The following SLC25A25 variants were observed in gnomAD, a reference collection of about 807,000 sequenced individuals.
SLC25A25 encodes solute carrier family 25 member 25, also known as mitochondrial adenyl nucleotide antiporter SLC25A25.
A neutral mutation model predicts 57.7 loss-of-function variants in SLC25A25; 32 were observed. The ratio of observed to expected loss-of-function variants is 0.55; its 90% CI spans 0.42 to 0.74. The LOEUF (loss-of-function observed/expected upper bound fraction) is 0.74, where lower values mean the gene tolerates loss of function less well. SLC25A25 is among the 30% of genes least tolerant of loss of function. The pLI, the probability that SLC25A25 is intolerant of heterozygous loss-of-function variation, is 0.00. For missense variants in SLC25A25, 556 were observed against 701.3 expected (o/e 0.79, Z 2.34); for synonymous variants, 306 against 291.2 (o/e 1.05, Z -0.52).
chr9:128,094,927 A>T (rs540672440), intron 1 of SLC25A25, among the ~76,000 whole-genome samples: 82 of 152,366 alleles, frequency 5.4e-4, no homozygotes, highest in African/African-American at 1.8e-3. Flanking sequence ...AGGAATGGAC[A>T]TCGGAGGAGC....
chr9:128,099,424 C>G lies in SLC25A25; in HGVS notation c.262-1672C>G. 1 of 1,148,526 alleles carries G rather than the reference C, an allele frequency of 8.7e-7. No homozygotes were observed. Among genetic ancestry groups the G allele is most frequent in the Non-Finnish European group, 1.1e-6 (1 of 919,946 alleles). The allele number at this position is 1,148,526 out of a possible 1,614,324, so 71.1% of individuals were successfully genotyped here. A position where few individuals can be genotyped will look rare whatever the true frequency, so the allele number is the denominator to read the frequency against. On this transcript the variant is annotated intron_variant, in intron 1 of 10. Transcript: ENST00000373069. The surrounding 1 kb of genome is among the most constrained non-coding windows in gnomAD (Gnocchi z 6.8). ...CTGCTCTGGGTGTCTGCGACAGCAC[C>G]CACCCCAGGGAGGCATGTGGCTCAC...
At chr9:128,094,063 G>A (rs1275202111) in intron 1 of SLC25A25, among the ~76,000 whole-genome samples, 3 of 152,264 alleles carry the variant, frequency 2.0e-5, no homozygotes, top group East Asian at 1.9e-4. Flanking sequence ...CAGGAGAATC[G>A]CTTGAATCCA....
chr9:128,103,637 G>A lies in SLC25A25; in HGVS notation c.625-44G>A, dbSNP rs758858033. ...GACGGCGACAGGTGCCAGCAGCCTT[G>A]CCCCAAGGGTCCTGAGTCAGGCTTG... On this transcript the variant is annotated intron_variant, in intron 5 of 10. Coordinates refer to ENST00000373069, the MANE Select transcript of SLC25A25 (RefSeq NM_001330988.2). The surrounding 1 kb of genome is among the most constrained non-coding windows in gnomAD (Gnocchi z 6.7). The A allele has an allele frequency of 5.6e-6, 9 of 1,613,614 alleles. No individual in the cohort carries two copies. The highest frequency in any genetic ancestry group is 1.3e-5 in the African/African-American group (1 of 74,930).
chr9:128,068,239 G>C lies in SLC25A25; in HGVS notation c.-81G>C, dbSNP rs960182497. The C allele has an allele frequency of 1.9e-5, 15 of 778,134 alleles. No homozygotes were observed. The highest frequency in any genetic ancestry group is 3.7e-5 in the East Asian group (1 of 27,270). 48.2% of individuals were successfully genotyped at this position (778,134 alleles called of 1,614,324 possible). Reference sequence around the variant, plus strand: ...GAGCCCGCGCTCCCAGCTGCAGAGCGCCTGGCTTGCCTCCCGCGCGGTCAC... The same window carrying C: ...GAGCCCGCGCTCCCAGCTGCAGAGCCCCTGGCTTGCCTCCCGCGCGGTCAC... On this transcript the variant is annotated 5_prime_UTR_variant, in exon 1 of 11. Transcript: ENST00000373069.
At chr9:128,091,603 G>T in intron 1 of SLC25A25, 1 of 1,134,406 alleles carries the variant, frequency 8.8e-7, no homozygotes, top group Non-Finnish European at 1.1e-6. Context: ...CTGCAGAAGT[G>T]AGTTTTTATT....
intron 1 of SLC25A25, among the ~76,000 whole-genome samples, chr9:128,069,921 T>C (rs1349006985): frequency 7.1e-6 from 1 of 140,388 alleles, no homozygotes; most frequent in Non-Finnish European, 1.5e-5. Context: ...CCAGCTAATT[T>C]TTTTTTTTTT....
intron 1 of SLC25A25, among the ~76,000 whole-genome samples, chr9:128,089,041 G>A (rs954134115): frequency 1.3e-5 from 2 of 152,156 alleles, no homozygotes; most frequent in African/African-American, 4.8e-5. Context: ...GACTACAGGT[G>A]CGCACCACCA....
chr9:128,075,986 C>CTCT (rs1403362590), intron 1 of SLC25A25, among the ~76,000 whole-genome samples: 1 of 152,114 alleles, frequency 6.6e-6, no homozygotes, highest in African/African-American at 2.4e-5. Context: ...TCAAGCGATC[C>CTCT]TCTTATCTCG....
intron 1 of SLC25A25, chr9:128,090,993 A>AG (rs1833390976): frequency 6.6e-6 from 1 of 152,316 alleles, no homozygotes; most frequent in South Asian, 2.1e-4. Context: ...GCCTGGTCCT[A>AG]GGGGTAGAAA....
Position 128,107,602 on chromosome 9 carries a change from GC to G in SLC25A25, c.*161del. The G allele has an allele frequency of 1.2e-6, 1 of 836,022 alleles. No homozygotes were observed. Among genetic ancestry groups the G allele is most frequent in the Non-Finnish European group, 1.7e-6 (1 of 585,622 alleles). The allele number at this position is 836,022 out of a possible 1,614,324, so 51.8% of individuals were successfully genotyped here. A position where few individuals can be genotyped will look rare whatever the true frequency, so the allele number is the denominator to read the frequency against. On this transcript the variant is annotated 3_prime_UTR_variant, in exon 11 of 11. Transcript: ENST00000373069. ...CAGGGAGGGTGGGGAGAGCTGGCAG[GC>G]CCAGGGCTTGTCCTGCTGACCCCAG...
intron 1 of SLC25A25, among the ~76,000 whole-genome samples, chr9:128,086,641 A>G (rs1833282741): frequency 1.3e-5 from 2 of 150,970 alleles, no homozygotes; most frequent in Admixed American, 6.6e-5. Context: ...CCACTTGGCT[A>G]ATTTTTGTAT....
chr9:128,102,617 G>T lies in SLC25A25; in HGVS notation c.624+136G>T, dbSNP rs1833851342. On this transcript the variant is annotated intron_variant, in intron 5 of 10. Coordinates refer to ENST00000373069, the MANE Select transcript of SLC25A25 (RefSeq NM_001330988.2). This position sits in a 1 kb window ranked among gnomAD's most constrained non-coding sequence, Gnocchi z 4.1. ...TCCACAGGAGACTGTCCCCTCTTCT[G>T]CCAGCCCAGTAGAGCTGTCCGCATG... 1.5e-6 allele frequency: 1 copy of T among 678,214 alleles called. No individual in the cohort carries two copies. Among genetic ancestry groups the T allele is most frequent in the African/African-American group, 1.8e-5 (1 of 55,480 alleles). 42.0% of individuals were successfully genotyped at this position (678,214 alleles called of 1,614,324 possible).
chr9:128,104,101 G>C (rs987551407), intron 6 of SLC25A25, among the ~76,000 whole-genome samples: 2 of 152,110 alleles, frequency 1.3e-5, no homozygotes, highest in Admixed American at 1.3e-4. Flanking sequence ...GCGAGACTGG[G>C]GTGAGGCAGG....
In SLC25A25 at chr9:128,107,103, T is replaced by C. The variant is rs759628591; in HGVS notation, c.1287T>C (p.Cys429=). Residue 429 remains cysteine, a synonymous_variant, in exon 10 of 11, where the codon TGT becomes TGC. Transcript: ENST00000373069. ...ADPGVFVLLA[C]GTMSSTCGQL... ...CCGGCGTGTTTGTGCTCCTGGCCTGTGGCACCATGTCCAGTACCTGTGGCC... is the reference window on the plus strand; with the variant it reads ...CCGGCGTGTTTGTGCTCCTGGCCTGCGGCACCATGTCCAGTACCTGTGGCC... 4.3e-6 allele frequency: 7 copies of C among 1,613,986 alleles called. No homozygotes were observed. The highest frequency in any genetic ancestry group is 3.3e-4 in the Middle Eastern group (2 of 6,084).
intron 1 of SLC25A25, among the ~76,000 whole-genome samples, chr9:128,093,148 T>A (rs1833458085): frequency 6.6e-6 from 1 of 152,268 alleles, no homozygotes; most frequent in African/African-American, 2.4e-5. Flanking sequence ...GGACTTTTGA[T>A]GTAATAACAT....
At chr9:128,081,605 G>T (rs1588755472) in intron 1 of SLC25A25, among the ~76,000 whole-genome samples, 2 of 152,176 alleles carry the variant, frequency 1.3e-5, no homozygotes, top group South Asian at 4.1e-4. Flanking sequence ...TAATCTAAAG[G>T]AGAATCATGC....
At chr9:128,089,314 C>T (rs1296124624) in intron 1 of SLC25A25, among the ~76,000 whole-genome samples, 4 of 152,114 alleles carry the variant, frequency 2.6e-5, no homozygotes, top group Non-Finnish European at 5.9e-5. Flanking sequence ...CTAATAGCTC[C>T]ATGTACTGTC....
In SLC25A25 at chr9:128,068,558, A is replaced by G. The variant is rs2130777334; in HGVS notation, c.239A>G (p.His80Arg). Residue 80 changes from histidine (H) to arginine (R), a missense_variant, in exon 1 of 11, where the codon CAC becomes CGC. His to Arg is a conservative substitution (Grantham distance 29, BLOSUM62 0). Around this residue, in one of 3 missense-constraint regions of SLC25A25, gnomAD observed 248 missense variants for 273.5 expected, o/e 0.91. Transcript: ENST00000373069. ...GTGGGGCTGCGGCGCCTGGGACTGC[A>G]CCGCACCGAGGGCGAGCTCCAGGTA... is the stretch of plus-strand genomic sequence containing the variant. ...LAVGLRRLGLHRTEGELQKIV... is the reference protein window; with the variant it reads ...LAVGLRRLGLRRTEGELQKIV... 4.2e-6 allele frequency: 6 copies of G among 1,431,684 alleles called. No individual in the cohort carries two copies. In the South Asian group the frequency reaches 8.9e-5, roughly 21 times the overall value. 88.7% of individuals were successfully genotyped at this position (1,431,684 alleles called of 1,614,324 possible). A position where few individuals can be genotyped will look rare whatever the true frequency, so the allele number is the denominator to read the frequency against.
rs754304263 is a variant in SLC25A25 at position 128,106,437 on chromosome 9, G to T, written c.1129G>T (p.Gly377Trp). 1 of 1,613,438 alleles carries T rather than the reference G, an allele frequency of 6.2e-7. No homozygotes were observed. The highest frequency in any genetic ancestry group is 1.3e-5 in the African/African-American group (1 of 74,908). Residue 377 changes from glycine to tryptophan, a missense_variant, in exon 9 of 11, where the codon GGG becomes TGG. Coordinates refer to ENST00000373069, the MANE Select transcript of SLC25A25 (RefSeq NM_001330988.2). ...DCARRILARE[G>W]VAAFYKGYVP... ...CGCCAGGAGGATCCTGGCCAGAGAG[G>T]GGGTGGCCGCCTTCTACAAAGGCTA...
Sources: allele counts gnomAD v4.1 joint callset (sites outside exome capture counted in the v4.1 genomes callset), GRCh38; gene constraint gnomAD v4.1.1; regional missense constraint gnomAD v4.1.1; non-coding constraint Gnocchi (gnomAD v3.1); transcripts MANE v1.5; gene names NCBI Gene and HGNC (gene_info 2026-07-23, HGNC 2026-07-21).